DOCK1: variants seen among roughly 807,000 people sequenced by gnomAD.
DOCK1 encodes dedicator of cytokinesis 1.
DOCK1 carries 138 observed loss-of-function variants against 262.7 expected under a neutral mutation model. The observed-to-expected ratio is 0.53, with a 90% confidence interval of 0.46 to 0.61. The LOEUF (loss-of-function observed/expected upper bound fraction) is 0.61, where lower values mean the gene tolerates loss of function less well. Ranked by LOEUF, DOCK1 falls within the 20% of genes least tolerant of loss-of-function variation. The pLI, the probability that DOCK1 is intolerant of heterozygous loss-of-function variation, is 0.00. For synonymous variants in DOCK1, 866 were observed against 867.4 expected, an observed-to-expected ratio of 1.00 and a Z score of 0.03; for missense variants, 1,908 against 2,370.7, an observed-to-expected ratio of 0.80 and a Z score of 4.05.
chr10:126,925,343 G>C (rs2033607668), intron 1 of DOCK1, among the ~76,000 whole-genome samples: 1 of 152,078 alleles, frequency 6.6e-6, no homozygotes, highest in African/African-American at 2.4e-5. Flanking sequence ...CAGATCTCTT[G>C]GTGTCTTCTC....
chr10:127,301,670 G>A (rs774127470), intron 29 of DOCK1, among the ~76,000 whole-genome samples: 34 of 152,258 alleles, frequency 2.2e-4, no homozygotes, highest in Non-Finnish European at 4.0e-4. Flanking sequence ...TTTTGGCTGC[G>A]CGCTGTGGCT....
chr10:127,023,154 A>G (rs1463718536), intron 13 of DOCK1, 46 bp from the exon 14 acceptor site: 3 of 1,605,590 alleles, frequency 1.9e-6, no homozygotes, highest in South Asian at 1.1e-5. Flanking sequence ...CAATTACGCT[A>G]TTAATAATGG....
chr10:127,451,289 G>A, intron 51 of DOCK1, 43 bp from the exon 52 acceptor site: 1 of 1,554,474 alleles, frequency 6.4e-7, no homozygotes, highest in Non-Finnish European at 8.7e-7. Context: ...TTTCTGTCAG[G>A]ACATCAGTTA....
chr10:127,386,436 G>A (rs72841543), intron 38 of DOCK1, among the ~76,000 whole-genome samples: 4 of 151,840 alleles, frequency 2.6e-5, no homozygotes, highest in East Asian at 3.9e-4. Flanking sequence ...GTTTACAGCC[G>A]TTCCCCATCG....
At chr10:127,336,649 C>T (rs1366739134) in intron 29 of DOCK1, among the ~76,000 whole-genome samples, 2 of 151,970 alleles carry the variant, frequency 1.3e-5, no homozygotes, top group African/African-American at 4.8e-5. Context: ...GCACCATTCT[C>T]CTGCCTCAGC....
At chr10:126,988,852 C>T (rs995800461) in intron 5 of DOCK1, among the ~76,000 whole-genome samples, 2 of 152,132 alleles carry the variant, frequency 1.3e-5, no homozygotes, top group South Asian at 2.1e-4. Context: ...GCGGATGGAT[C>T]ACTTGAGGTG....
intron 37 of DOCK1, 113 bp from the exon 38 acceptor site, chr10:127,384,677 A>C: frequency 7.8e-7 from 1 of 1,275,558 alleles, no homozygotes; most frequent in Non-Finnish European, 1.0e-6. Flanking sequence ...GACAGCAGCC[A>C]CACATGTCTC....
chr10:127,000,577 A>G (rs2040510143), intron 10 of DOCK1: 2 of 381,494 alleles, frequency 5.2e-6, no homozygotes, highest in South Asian at 4.1e-5. Flanking sequence ...CCTGACCCAT[A>G]TTCTCAGTCT....
intron 27 of DOCK1, among the ~76,000 whole-genome samples, chr10:127,173,057 G>A (rs1016955272): frequency 1.2e-4 from 18 of 152,160 alleles, no homozygotes; most frequent in Admixed American, 1.0e-3. Context: ...CCTGTGTGCC[G>A]GGCATATAGG....
At chr10:126,964,905 A>G (rs922991490) in intron 1 of DOCK1, among the ~76,000 whole-genome samples, 2 of 152,256 alleles carry the variant, frequency 1.3e-5, no homozygotes, top group Non-Finnish European at 2.9e-5. Flanking sequence ...TTGAAGACGA[A>G]CAAATGCTAC....
rs12246058 is a variant in DOCK1 at position 127,087,705 on chromosome 10, T to C, written c.2446-18526T>C. Among the ~76,000 whole-genome samples, 1,019 of 152,242 alleles carry C rather than the reference T, an allele frequency of 6.7e-3. 6 individuals are homozygous for C. The highest frequency in any genetic ancestry group is 0.012 in the Admixed American group (179 of 15,292). ...TTACTCTGATGAAATGTAAGTAGCA[T>C]TGTAGAACTAGGAATTGGCATCATT... On this transcript the variant is annotated intron_variant, in intron 23 of 51. Transcript: ENST00000623213.
chr10:127,248,166 C>T (rs1234163173), intron 28 of DOCK1, 57 bp downstream of exon 28: 5 of 1,424,024 alleles, frequency 3.5e-6, no homozygotes, highest in East Asian at 2.3e-5. Context: ...GCACTTTAGA[C>T]AAAAGCCTGA....
rs186988969 is a variant in DOCK1 at position 127,191,250 on chromosome 10, C to T, written c.2848-56758C>T. On this transcript the variant is annotated intron_variant, in intron 27 of 51. Coordinates refer to ENST00000623213, the MANE Select transcript of DOCK1 (RefSeq NM_001290223.2). ...CTACCTGGGAGTCTTTAGGCTCCTG[C>T]CACTTCCTTGCCACCTCCTCCCCTC... 4.5e-3 allele frequency among the ~76,000 whole-genome samples: 681 copies of T among 152,218 alleles called. 6 individuals are homozygous for T. The highest frequency in any genetic ancestry group is 0.016 in the African/African-American group (652 of 41,544).
chr10:127,263,110 C>T (rs1182066322), intron 29 of DOCK1, among the ~76,000 whole-genome samples: 2 of 152,158 alleles, frequency 1.3e-5, no homozygotes, highest in Admixed American at 6.5e-5. Flanking sequence ...AACAACTTTT[C>T]CACAAGGTTT....
intron 12 of DOCK1, chr10:127,015,203 A>G (rs1054359934): frequency 6.6e-6 from 1 of 152,102 alleles, no homozygotes; most frequent in Admixed American, 6.5e-5. Context: ...ATTTAAAAAA[A>G]AAAAGGAAAG....
intron 1 of DOCK1, among the ~76,000 whole-genome samples, chr10:126,938,275 C>T (rs973203147): frequency 3.1e-4 from 47 of 152,048 alleles, no homozygotes; most frequent in African/African-American, 9.7e-4. Flanking sequence ...CTCAAACTCC[C>T]GACCTCAGGT....
At chr10:127,231,692 G>T (rs2058847710) in intron 27 of DOCK1, among the ~76,000 whole-genome samples, 1 of 152,156 alleles carries the variant, frequency 6.6e-6, no homozygotes, top group South Asian at 2.1e-4. Context: ...CTCATTAATT[G>T]ATAGAATCAT....
At chr10:127,117,340 C>T (rs534710160) in intron 25 of DOCK1, among the ~76,000 whole-genome samples, 1 of 152,334 alleles carries the variant, frequency 6.6e-6, no homozygotes, top group African/African-American at 2.4e-5. Flanking sequence ...CGCCGTGGTG[C>T]TGATTGAGGA....
chr10:127,022,100 C>T (rs962904774), intron 13 of DOCK1, among the ~76,000 whole-genome samples: 1 of 151,996 alleles, frequency 6.6e-6, no homozygotes, highest in South Asian at 2.1e-4. Flanking sequence ...CCTATGTTCT[C>T]AGTAGGAAGA....
Sources: gnomAD v4.1 joint callset for allele counts (sites outside exome capture counted in the v4.1 genomes callset) on GRCh38, gnomAD v4.1.1 for gene constraint, MANE v1.5 for transcripts, NCBI Gene and HGNC (gene_info 2026-07-23, HGNC 2026-07-21) for gene names.